The following ZFHX3 variants were observed in gnomAD, a reference collection of about 807,000 sequenced individuals.
ZFHX3 encodes the protein zinc finger homeobox 3.
In ZFHX3, 42 loss-of-function variants were observed where a neutral mutation model predicts 279.1. That is an observed-to-expected ratio of 0.15 (90% CI 0.12 to 0.19). The LOEUF (loss-of-function observed/expected upper bound fraction) is 0.19, where lower values mean the gene tolerates loss of function less well. ZFHX3 is among the 10% of genes least tolerant of loss of function. ZFHX3 has a pLI of 1.00. For synonymous variants in ZFHX3, 2,293 were observed against 1,957.8 expected (o/e 1.17, Z -4.52); for missense variants, 4,981 against 4,754.0 (o/e 1.05, Z -1.40).
intron 1 of ZFHX3, among the ~76,000 whole-genome samples, chr16:73,031,046 T>C (rs897662723): frequency 1.6e-4 from 24 of 152,186 alleles, no homozygotes; most frequent in Non-Finnish European, 2.6e-4. Context: ...GCTTCTTTCT[T>C]ACCAATCCAT....
intron 4 of ZFHX3, among the ~76,000 whole-genome samples, chr16:72,845,758 G>A (rs982544260): frequency 6.6e-6 from 1 of 151,870 alleles, no homozygotes; most frequent in African/African-American, 2.4e-5. Context: ...AATACCACGC[G>A]CCTGGAAAGC....
intron 3 of ZFHX3, among the ~76,000 whole-genome samples, chr16:72,948,658 G>C (rs923365653): frequency 2.0e-5 from 3 of 152,192 alleles, no homozygotes; most frequent in Non-Finnish European, 4.4e-5. Context: ...GTGCATTTTA[G>C]AGTCTAAAGG....
chr16:73,037,843 C>G (rs1259923216), intron 1 of ZFHX3, among the ~76,000 whole-genome samples: 3 of 152,130 alleles, frequency 2.0e-5, no homozygotes, highest in Non-Finnish European at 4.4e-5. Context: ...AACAGAGCAC[C>G]ACCGGTTAAG....
At chr16:72,826,669 C>T (rs1041919126) in intron 5 of ZFHX3, among the ~76,000 whole-genome samples, 4 of 152,134 alleles carry the variant, frequency 2.6e-5, no homozygotes, top group Non-Finnish European at 4.4e-5. Context: ...GGATCATTTG[C>T]AGGAGTCGGG....
At chr16:73,751,282 C>T (rs182921038) in intron 1 of ZFHX3, among the ~76,000 whole-genome samples, 500 of 152,244 alleles carry the variant, frequency 3.3e-3, no homozygotes, top group Non-Finnish European at 5.1e-3. Context: ...CTCTATTTGG[C>T]ACTGAGTACA....
chr16:73,157,253 T>C (rs1276959764), intron 5 of ZFHX3, among the ~76,000 whole-genome samples: 1 of 152,002 alleles, frequency 6.6e-6, no homozygotes, highest in Non-Finnish European at 1.5e-5. Flanking sequence ...AGATGGTGCC[T>C]CTTAAGTCCT....
chr16:73,409,121 G>A (rs1325368203), intron 3 of ZFHX3, among the ~76,000 whole-genome samples: 1 of 152,188 alleles, frequency 6.6e-6, no homozygotes, highest in Non-Finnish European at 1.5e-5. Context: ...ACCCAAATGA[G>A]CAGCTTACTT....
At chr16:73,155,706 C>G (rs13339213) in intron 5 of ZFHX3, among the ~76,000 whole-genome samples, 93,406 of 151,898 alleles carry the variant, frequency 0.61, 29,610 homozygotes, top group African/African-American at 0.76. Context: ...GCATGTAACC[C>G]CAGCTACTCG....
At chr16:72,811,492 C>T in intron 7 of ZFHX3, 85 bp downstream of exon 7, 1 of 1,325,118 alleles carries the variant, frequency 7.5e-7, no homozygotes, top group South Asian at 1.5e-5. Flanking sequence ...ACTTTCTCGT[C>T]CAATAATACA....
At chr16:73,412,283 C>T (rs577365377) in intron 3 of ZFHX3, among the ~76,000 whole-genome samples, 22 of 149,618 alleles carry the variant, frequency 1.5e-4, no homozygotes, top group South Asian at 4.2e-4. Flanking sequence ...GCCATAATCA[C>T]GCCACGGCAC....
intron 3 of ZFHX3, among the ~76,000 whole-genome samples, chr16:72,944,074 A>G (rs1241385889): frequency 6.6e-6 from 1 of 152,196 alleles, no homozygotes; most frequent in East Asian, 1.9e-4. Context: ...GCTTGAGCCC[A>G]GGGGTTCAAG....
At chr16:73,439,361 C>T (rs2018047771) in intron 3 of ZFHX3, among the ~76,000 whole-genome samples, 1 of 152,088 alleles carries the variant, frequency 6.6e-6, no homozygotes, top group African/African-American at 2.4e-5. Flanking sequence ...GATTTTGCTA[C>T]CTTTGAGCTC....
chr16:73,034,379 C>T (rs1439826763), intron 1 of ZFHX3, among the ~76,000 whole-genome samples: 1 of 152,214 alleles, frequency 6.6e-6, no homozygotes, highest in Non-Finnish European at 1.5e-5. Flanking sequence ...GCTCCTACAA[C>T]TCTCATCTTG....
rs1403778481 is a variant in ZFHX3, at chr16:73,131,078, T to C, written c.-1007A>G. On this transcript the variant is annotated 5_prime_UTR_variant, in exon 7 of 18. Transcript: ENST00000641206. ...TTGCTGGCTCTTGTTAACTTCTTTG[T>C]GTCTCAGCTTCTCTATCTGTAAAGT... 10 of 915,440 alleles carry C rather than the reference T, an allele frequency of 1.1e-5. 1 individual carries two copies. In the Admixed American group the frequency reaches 2.3e-4, roughly 21 times the overall value. The allele number at this position is 915,440 out of a possible 1,614,324, so 56.7% of individuals were successfully genotyped here. A position where few individuals can be genotyped will look rare whatever the true frequency, so the allele number is the denominator to read the frequency against.
intron 1 of ZFHX3, among the ~76,000 whole-genome samples, chr16:73,833,285 C>T (rs771308779): frequency 2.6e-5 from 4 of 152,088 alleles, no homozygotes; most frequent in Non-Finnish European, 5.9e-5. Context: ...ATTGCTTGAG[C>T]TCAGGAGTTT....
intron 1 of ZFHX3, among the ~76,000 whole-genome samples, chr16:73,715,183 C>T (rs2053402288): frequency 6.6e-6 from 1 of 152,084 alleles, no homozygotes; most frequent in South Asian, 2.1e-4. Context: ...GTTTCATTTC[C>T]CATCACGTGC....
At chr16:73,656,441 A>G (rs1419506755) in intron 2 of ZFHX3, among the ~76,000 whole-genome samples, 1 of 152,246 alleles carries the variant, frequency 6.6e-6, no homozygotes, top group Non-Finnish European at 1.5e-5. Context: ...AAGCAACACA[A>G]GGAAATGATC....
intron 2 of ZFHX3, among the ~76,000 whole-genome samples, chr16:73,594,484 G>A (rs2052028775): frequency 1.3e-5 from 2 of 152,294 alleles, no homozygotes; most frequent in African/African-American, 4.8e-5. Flanking sequence ...GAGTAATTAA[G>A]ATAGAATTAA....
intron 1 of ZFHX3, among the ~76,000 whole-genome samples, chr16:73,835,152 C>T (rs1258082704): frequency 1.3e-5 from 2 of 152,016 alleles, no homozygotes; most frequent in Non-Finnish European, 2.9e-5. Context: ...GCAGGGTTGG[C>T]GAGGCTATAA....
Sources: allele counts gnomAD v4.1 joint callset (sites outside exome capture counted in the v4.1 genomes callset), GRCh38; gene constraint gnomAD v4.1.1; transcripts MANE v1.5; gene names NCBI Gene and HGNC (gene_info 2026-07-23, HGNC 2026-07-21).